Variants in ANO7 observed in about 807,000 individuals in gnomAD.
ANO7 encodes anoctamin 7, also known as anoctamin-7.
Under a neutral mutation model 115.8 loss-of-function variants are expected in ANO7, and 114 were observed. The ratio of observed to expected loss-of-function variants is 0.98; its 90% confidence interval spans 0.85 to 1.15. The LOEUF is 1.15. Ranked by LOEUF, ANO7 falls within the 50% of genes most tolerant of loss-of-function variation. The pLI is 0.00. For synonymous variants in ANO7, 550 were observed against 498.2 expected (o/e 1.10, Z -1.38); for missense variants, 1,302 against 1,201.2 (o/e 1.08, Z -1.24).
At chr2:241,232,424 C>T in the ANO7 span, among the ~76,000 whole-genome samples, 1 of 152,056 alleles carries the variant, frequency 6.6e-6, no homozygotes, top group African/African-American at 2.4e-5. Flanking sequence ...TACAGGTGCA[C>T]GCGACCACGC....
chr2:241,238,722 T>C, the ANO7 span: 1 of 1,591,174 alleles, frequency 6.3e-7, no homozygotes, highest in Non-Finnish European at 8.6e-7. The surrounding 1 kb of genome is among the most constrained non-coding windows in gnomAD (Gnocchi z 4.9). Flanking sequence ...TTCTGGAACC[T>C]TTGGGGCCCA....
At chr2:241,238,631 G>A in the ANO7 span, 1 of 1,539,468 alleles carries the variant, frequency 6.5e-7, no homozygotes, top group Middle Eastern at 1.7e-4. The surrounding 1 kb of genome is among the most constrained non-coding windows in gnomAD (Gnocchi z 4.9). Flanking sequence ...AGCAGAGCAG[G>A]GCTAATGGGG....
At position 241,191,196 on chromosome 2, in the gene ANO7, A is replaced by C. The variant is rs2068193930; in HGVS notation, c.111A>C (p.Pro37=). 6.2e-7 allele frequency: 1 copy of C among 1,613,778 alleles called. No individual in the cohort carries two copies. The part of the protein sequence containing the change: ...SYGSTAHASE[P]GGQQAAACRA... Reference sequence around the variant, plus strand: ...TCTCCATCCTCCATGCCTTCCAGCCAGGTGGACAGCAAGCGGCCGCCTGCA... The same window carrying C: ...TCTCCATCCTCCATGCCTTCCAGCCCGGTGGACAGCAAGCGGCCGCCTGCA... Residue 37 remains proline, a splice_region_variant and synonymous_variant, in exon 3 of 25, where the codon CCA becomes CCC. Coordinates refer to ENST00000674324, the MANE Select transcript of ANO7 (RefSeq NM_001370694.2).
downstream of ANO7, among the ~76,000 whole-genome samples, chr2:241,226,986 G>C (rs2069201862): frequency 6.6e-6 from 1 of 152,206 alleles, no homozygotes; most frequent in African/African-American, 2.4e-5. Context: ...GAGGCTGGCA[G>C]AGTCCTAAAA....
chr2:241,237,029 CTG>C, the ANO7 span, among the ~76,000 whole-genome samples: 1 of 145,484 alleles, frequency 6.9e-6, no homozygotes, highest in Non-Finnish European at 1.5e-5. Flanking sequence ...GCCGTGAGCT[CTG>C]TGTCTCCCTT....
At chr2:241,189,791 C>T (rs1018604372) in intron 1 of ANO7, among the ~76,000 whole-genome samples, 1 of 152,310 alleles carries the variant, frequency 6.6e-6, no homozygotes, top group African/African-American at 2.4e-5. Context: ...GACACGGGCA[C>T]TCACTGGATG....
At chr2:241,190,554 G>A (rs1229256881) in intron 2 of ANO7, among the ~76,000 whole-genome samples, 2 of 152,244 alleles carry the variant, frequency 1.3e-5, no homozygotes, top group African/African-American at 2.4e-5. Context: ...AGGAGGCCAT[G>A]GATGCGCTGT....
At chr2:241,194,094 C>T (rs10933535) in intron 3 of ANO7, among the ~76,000 whole-genome samples, 6,540 of 151,552 alleles carry the variant, frequency 0.043, 527 homozygotes, top group East Asian at 0.3. Flanking sequence ...AGGCTGGTCT[C>T]GAACTCCTGA....
At position 241,211,222 on chromosome 2, in the gene ANO7, T is replaced by C. The variant is rs186225472; in HGVS notation, c.1561+652T>C. ...GCTGCAAGGTCCCCCAGGTGGGAGA[T>C]GTCCCTCTAGGATAGGGCCGCTGAG... On this transcript the variant is annotated intron_variant, in intron 15 of 24. Coordinates refer to ENST00000674324, the MANE Select transcript of ANO7 (RefSeq NM_001370694.2). Among the ~76,000 whole-genome samples, 33 of 152,326 alleles carry C rather than the reference T, an allele frequency of 2.2e-4. 1 individual carries two copies. The highest frequency in any genetic ancestry group is 1.8e-3 in the Admixed American group (28 of 15,308).
At chr2:241,217,942 GGC>G (rs1378423489) in intron 20 of ANO7, 51 bp downstream of exon 20, 1 of 83,976 alleles carries the variant, frequency 1.2e-5, no homozygotes, top group Non-Finnish European at 1.4e-5. Flanking sequence ...CAGGGGCGGG[GGC>G]GGGGGGGGCA....
intron 4 of ANO7, 40 bp from the exon 5 acceptor site, chr2:241,199,276 A>G (rs764854394): frequency 1.3e-6 from 2 of 1,557,872 alleles, no homozygotes; most frequent in Non-Finnish European, 1.8e-6. Context: ...ACGTGCACAC[A>G]TGCACCCTCA....
At position 241,195,570 on chromosome 2, in the gene ANO7, C is replaced by G. The variant is rs773692979; in HGVS notation, c.167-133C>G. The G allele has an allele frequency of 1.5e-5, 12 of 817,802 alleles. 1 individual carries two copies. The highest frequency in any genetic ancestry group is 4.6e-5 in the Admixed American group (2 of 43,038). 50.7% of individuals were successfully genotyped at this position (817,802 alleles called of 1,614,324 possible). A position where few individuals can be genotyped will look rare whatever the true frequency, so the allele number is the denominator to read the frequency against. The stretch of plus-strand genomic sequence containing the variant: ...CCCTGGCTGGGACCAGAGAGGGGAT[C>G]GGGAAGGAACCGGCCCTGAGTGTCC... On this transcript the variant is annotated intron_variant, in intron 3 of 24. Transcript: ENST00000674324.
chr2:241,229,348 T>G, downstream of ANO7: 6 of 392,118 alleles, frequency 1.5e-5, no homozygotes, highest in Admixed American at 4.1e-5. Context: ...GGAGCTGGAG[T>G]CTGTTATCTT....
intron 21 of ANO7, among the ~76,000 whole-genome samples, chr2:241,222,591 GT>G (rs201747976): frequency 1.3e-5 from 2 of 151,522 alleles, no homozygotes; most frequent in East Asian, 1.9e-4. Context: ...TTGGTTTTTT[GT>G]TTTTTTTATT....
chr2:241,224,260 T>C lies in ANO7; in HGVS notation c.*107T>C. The C allele has an allele frequency of 7.8e-7, 1 of 1,285,952 alleles. No individual in the cohort carries two copies. Among genetic ancestry groups the C allele is most frequent in the Non-Finnish European group, 1.1e-6 (1 of 915,778 alleles). The allele number at this position is 1,285,952 out of a possible 1,614,324, so 79.7% of individuals were successfully genotyped here. A position where few individuals can be genotyped will look rare whatever the true frequency, so the allele number is the denominator to read the frequency against. ...GGCAGCGGCTGTGTGAACCGCTGGC[T>C]GCTGTTGTGCCTCATCTCTGGGCAC... On this transcript the variant is annotated 3_prime_UTR_variant, in exon 25 of 25. Coordinates refer to ENST00000674324, the MANE Select transcript of ANO7 (RefSeq NM_001370694.2).
intron 18 of ANO7, among the ~76,000 whole-genome samples, chr2:241,215,392 G>T (rs570513914): frequency 6.6e-6 from 1 of 152,346 alleles, no homozygotes; most frequent in African/African-American, 2.4e-5. Context: ...CAAAGAGGCT[G>T]CCCAGGGCCT....
rs1453580762 is a variant in ANO7 at position 241,212,108 on chromosome 2, C to T, written c.1576C>T (p.Gln526Ter). 2 of 1,613,960 alleles carry T rather than the reference C, an allele frequency of 1.2e-6. No individual in the cohort carries two copies. The highest frequency in any genetic ancestry group is 3.3e-5 in the Admixed American group (2 of 60,006). ...CCATGCCACAGAAATGCACCGCACC[C>T]AGACCAAGTTCGAGGACGCCTTCAC... ...VLTRWEMHRTQTKFEDAFTLK... is the reference protein window; with the variant it reads ...VLTRWEMHRT The change falls in exon 16 of 25, where the codon CAG becomes TAG. Residue 526 changes from glutamine to a stop codon, truncating the protein, a stop_gained. Coordinates refer to ENST00000674324, the MANE Select transcript of ANO7 (RefSeq NM_001370694.2). LOFTEE classifies it high-confidence loss of function.
the ANO7 span, among the ~76,000 whole-genome samples, chr2:241,239,416 C>CA: frequency 6.6e-6 from 1 of 151,706 alleles, no homozygotes; most frequent in Non-Finnish European, 1.5e-5. This position sits in a 1 kb window ranked among gnomAD's most constrained non-coding sequence, Gnocchi z 4.6. Flanking sequence ...GAATTCTCAC[C>CA]AACTATCAGG....
chr2:241,191,067 T>A, intron 2 of ANO7, 127 bp from the exon 3 acceptor site: 1 of 1,033,760 alleles, frequency 9.7e-7, no homozygotes, highest in Non-Finnish European at 1.5e-6. Context: ...TCTGTGGTCC[T>A]GAGTGTTCTG....
Sources: allele counts gnomAD v4.1 joint callset (sites outside exome capture counted in the v4.1 genomes callset), GRCh38; gene constraint gnomAD v4.1.1; non-coding constraint Gnocchi (gnomAD v3.1); transcripts MANE v1.5; gene names NCBI Gene and HGNC (gene_info 2026-07-23, HGNC 2026-07-21).